The following NOL4L variants were observed in gnomAD, a reference collection of about 807,000 sequenced individuals.
NOL4L encodes the protein nucleolar protein 4-like.
NOL4L carries 7 observed loss-of-function variants against 64.5 expected under a neutral mutation model. That is an observed-to-expected ratio of 0.11 (90% confidence interval 0.06 to 0.20). The LOEUF is 0.20. Ranked by LOEUF, NOL4L falls within the 10% of genes least tolerant of loss-of-function variation. NOL4L has a pLI of 1.00. For missense variants in NOL4L, 680 were observed against 967.1 expected, an observed-to-expected ratio of 0.70 and a Z score of 3.94; for synonymous variants, 413 against 401.0, an observed-to-expected ratio of 1.03 and a Z score of -0.36.
chr20:32,514,360 C>T (rs944071896), intron 3 of NOL4L, among the ~76,000 whole-genome samples: 3 of 152,028 alleles, frequency 2.0e-5, no homozygotes, highest in African/African-American at 4.8e-5. Flanking sequence ...GGCATGGTGG[C>T]GCATGCCTGT....
chr20:32,504,871 T>C (rs966125707), intron 4 of NOL4L, among the ~76,000 whole-genome samples: 2 of 152,160 alleles, frequency 1.3e-5, no homozygotes, highest in Non-Finnish European at 2.9e-5. Context: ...AGTGCTGGGA[T>C]TACAGGCGTG....
intron 1 of NOL4L, among the ~76,000 whole-genome samples, chr20:32,567,495 T>C (rs1208593408): frequency 6.6e-6 from 1 of 152,180 alleles, no homozygotes; most frequent in African/African-American, 2.4e-5. Flanking sequence ...CAAACTTACT[T>C]GGGCAAAACC....
intron 1 of NOL4L, among the ~76,000 whole-genome samples, chr20:32,531,865 G>A (rs2018358636): frequency 6.6e-6 from 1 of 152,092 alleles, no homozygotes; most frequent in Admixed American, 6.5e-5. Context: ...CGTCCAGAGG[G>A]GACCCATGAC....
intron 10 of NOL4L, 60 bp downstream of exon 10, chr20:32,452,176 C>T: frequency 1.4e-6 from 2 of 1,444,798 alleles, no homozygotes; most frequent in East Asian, 2.5e-5. Context: ...CCCAGGGCTG[C>T]TCTGCAGACC....
intron 1 of NOL4L, among the ~76,000 whole-genome samples, chr20:32,566,394 C>G (rs954946305): frequency 2.0e-5 from 3 of 149,706 alleles, no homozygotes; most frequent in African/African-American, 7.3e-5. Context: ...CAGCAAGGCA[C>G]CTGCCCCAGC....
chr20:32,490,128 C>CAAAAAAA (rs747449024), intron 4 of NOL4L, among the ~76,000 whole-genome samples: 48 of 69,084 alleles, frequency 6.9e-4, no homozygotes, highest in East Asian at 2.7e-3. Flanking sequence ...GACTCCATCT[C>CAAAAAAA]AAAAAAAAAA....
intron 5 of NOL4L, among the ~76,000 whole-genome samples, chr20:32,456,699 TC>T (rs2013569178): frequency 6.6e-6 from 1 of 152,124 alleles, no homozygotes; most frequent in Non-Finnish European, 1.5e-5. Flanking sequence ...GAGACCGAGC[TC>T]CAAGGGTTTG....
rs776466787 is a variant in NOL4L, at chr20:32,527,809, C to A, written c.426G>T (p.Ala142=). 40 of 1,550,470 alleles carry A rather than the reference C, an allele frequency of 2.6e-5. No individual in the cohort carries two copies. The South Asian group carries it at 4.5e-4, about 18-fold the overall frequency. ...CGTGCTTGGGGGCTTTGCCTGGCTC[C>A]GCTGAGCTCTCCACATGCATCGAGT... The part of the protein sequence containing the change: ...IIYSMHVESS[A]EPGKAPKHAG... Residue 142 remains alanine (A), a synonymous_variant, in exon 2 of 11, where the codon GCG becomes GCT. Transcript: ENST00000621426.
At chr20:32,541,958 T>C (rs1043845019) in intron 1 of NOL4L, among the ~76,000 whole-genome samples, 3 of 152,208 alleles carry the variant, frequency 2.0e-5, no homozygotes, top group Non-Finnish European at 4.4e-5. Context: ...TGAGGACTTG[T>C]ACAGTGCCCA....
At chr20:32,500,142 C>T (rs1400037521) in intron 4 of NOL4L, among the ~76,000 whole-genome samples, 1 of 152,172 alleles carries the variant, frequency 6.6e-6, no homozygotes, top group African/African-American at 2.4e-5. Context: ...GCTTTTTGCT[C>T]TGTCAGCTGG....
chr20:32,474,440 G>T (rs1367538180), intron 5 of NOL4L, among the ~76,000 whole-genome samples, 161 bp downstream of exon 5: 1 of 152,250 alleles, frequency 6.6e-6, no homozygotes, highest in Non-Finnish European at 1.5e-5. Context: ...CCATGGAGAT[G>T]CTGAGAACAC....
chr20:32,461,073 A>T (rs1006632334), intron 5 of NOL4L, among the ~76,000 whole-genome samples: 2 of 152,168 alleles, frequency 1.3e-5, no homozygotes, highest in Admixed American at 1.3e-4. Flanking sequence ...CTCATGAACC[A>T]ACAGGGGCAG....
Position 32,527,784 on chromosome 20 carries a change from C to T in NOL4L, c.451G>A (p.Ala151Thr). ...GCTCGGTAGGTTTTCTTCTGCCCAG[C>T]GTGCTTGGGGGCTTTGCCTGGCTCC... ...SAEPGKAPKH[A>T]GQKKTYRAIA... is the part of the protein sequence containing the mutation. Residue 151 changes from alanine to threonine, a missense_variant, in exon 2 of 11, where the codon GCT becomes ACT. Transcript: ENST00000621426. 2 of 1,549,924 alleles carry T rather than the reference C, an allele frequency of 1.3e-6. No homozygotes were observed. The highest frequency in any genetic ancestry group is 1.7e-6 in the Non-Finnish European group (2 of 1,146,498).
chr20:32,488,837 T>A, intron 4 of NOL4L, among the ~76,000 whole-genome samples: 1 of 75,428 alleles, frequency 1.3e-5, no homozygotes, highest in East Asian at 3.4e-4. Flanking sequence ...TTTTCTTTCT[T>A]TCTTTCTTTC....
chr20:32,453,786 G>T lies in NOL4L; in HGVS notation c.1120-25C>A. On this transcript the variant is annotated intron_variant, in intron 6 of 10. Coordinates refer to ENST00000621426, the MANE Select transcript of NOL4L (RefSeq NM_001256798.2). This position sits in a 1 kb window ranked among gnomAD's most constrained non-coding sequence, Gnocchi z 5.6. The stretch of plus-strand genomic sequence containing the variant: ...ACTAAAAGGAGGGCAAGAGGCAGAG[G>T]GTTGGGCCAAGCAGCTGCTCAAGCC... The T allele has an allele frequency of 6.5e-7, 1 of 1,549,510 alleles. No homozygotes were observed. Among genetic ancestry groups the T allele is most frequent in the South Asian group, 1.2e-5 (1 of 84,018 alleles).
chr20:32,568,304 T>C (rs1979557982), intron 1 of NOL4L, among the ~76,000 whole-genome samples: 1 of 152,170 alleles, frequency 6.6e-6, no homozygotes, highest in Non-Finnish European at 1.5e-5. Context: ...TCCAGGTTGC[T>C]AAATGGATAA....
Position 32,464,208 on chromosome 20 carries a change from C to T in NOL4L, c.842-7813G>A, listed in dbSNP as rs2014345722. Among the ~76,000 whole-genome samples, 1 of 152,200 alleles carries T rather than the reference C, an allele frequency of 6.6e-6. No homozygotes were observed. The highest frequency in any genetic ancestry group is 2.4e-5 in the African/African-American group (1 of 41,454). Reference sequence around the variant, plus strand: ...CACCTCCCCAGGACTGGCCCCCTGCCTGCTTTGACAAAGGCCAGCGCCCAG... The same window carrying T: ...CACCTCCCCAGGACTGGCCCCCTGCTTGCTTTGACAAAGGCCAGCGCCCAG... On this transcript the variant is annotated intron_variant, in intron 5 of 10. Transcript: ENST00000621426. The surrounding 1 kb of genome is among the most constrained non-coding windows in gnomAD (Gnocchi z 5.6).
intron 1 of NOL4L, among the ~76,000 whole-genome samples, chr20:32,580,479 C>G (rs6057598): frequency 0.53 from 80,490 of 152,154 alleles, 25,595 homozygotes; most frequent in East Asian, 0.94. Flanking sequence ...ACTTAGGCCT[C>G]AAAATGCTTT....
intron 10 of NOL4L, chr20:32,449,823 GGT>G (rs1339032677): frequency 6.6e-6 from 1 of 152,280 alleles, no homozygotes; most frequent in East Asian, 1.9e-4. Context: ...GGGTGGTTCT[GGT>G]CCCCTCTGCG....
Sources: allele counts gnomAD v4.1 joint callset (sites outside exome capture counted in the v4.1 genomes callset), GRCh38; gene constraint gnomAD v4.1.1; non-coding constraint Gnocchi (gnomAD v3.1); transcripts MANE v1.5; gene names NCBI Gene and HGNC (gene_info 2026-07-23, HGNC 2026-07-21).